The following OCA2 variants were observed in gnomAD, a reference collection of about 807,000 sequenced individuals.
OCA2 encodes the protein P protein.
Under a neutral mutation model 100.2 loss-of-function variants are expected in OCA2, and 77 were observed. That is an observed-to-expected ratio of 0.77 (90% CI 0.64 to 0.93). OCA2 has a LOEUF of 0.93. Among genes scored for constraint, OCA2 ranks in the 40% least tolerant of loss-of-function variants. OCA2 has a pLI of 0.00. For missense variants in OCA2, 1,062 were observed against 1,089.1 expected (o/e 0.98, Z 0.35); for synonymous variants, 432 against 439.2 (o/e 0.98, Z 0.21).
intron 23 of OCA2, among the ~76,000 whole-genome samples, chr15:27,781,052 T>C (rs1422836481): frequency 2.0e-5 from 3 of 152,194 alleles, no homozygotes; most frequent in Non-Finnish European, 4.4e-5. Context: ...ATCAAATGCA[T>C]CATTTTATCA....
intron 19 of OCA2, among the ~76,000 whole-genome samples, chr15:27,905,505 G>A (rs578158608): frequency 6.6e-6 from 1 of 152,328 alleles, no homozygotes; most frequent in East Asian, 1.9e-4. Context: ...ACGGGCCAGG[G>A]GGAACTGGGC....
intron 2 of OCA2, among the ~76,000 whole-genome samples, chr15:28,051,050 T>C (rs964101376): frequency 4.6e-5 from 7 of 152,104 alleles, no homozygotes; most frequent in South Asian, 2.1e-4. Context: ...CTCCCACCCA[T>C]ATGAGGGTGG....
chr15:27,873,051 T>C lies in OCA2; in HGVS notation c.2080-1129A>G, dbSNP rs181538294. ...TCTGCATGTACAGTTGTTAGCCGAC[T>C]TTCATTTAAAAGCTATGGAGCCCAA... On this transcript the variant is annotated intron_variant, in intron 19 of 23. Transcript: ENST00000354638. Among the ~76,000 whole-genome samples the C allele has an allele frequency of 3.0e-3, 452 of 152,356 alleles. 3 individuals are homozygous for C. Among genetic ancestry groups the C allele is most frequent in the Middle Eastern group, 0.027 (8 of 294 alleles).
At position 27,878,020 on chromosome 15, in the gene OCA2, T is replaced by A. The variant is rs1437256641; in HGVS notation, c.2080-6098A>T. Among the ~76,000 whole-genome samples the A allele has an allele frequency of 4.0e-5, 6 of 150,990 alleles. No homozygotes were observed. In the South Asian group the frequency reaches 6.2e-4, roughly 16 times the overall value. The stretch of plus-strand genomic sequence containing the variant: ...AAATATTAATATTTTAATTAATTTT[T>A]AATTATATTTTAGTACTTACTCCGT... On this transcript the variant is annotated intron_variant, in intron 19 of 23. Transcript: ENST00000354638.
At chr15:27,903,456 ACT>A (rs1567084603) in intron 19 of OCA2, among the ~76,000 whole-genome samples, 1 of 151,812 alleles carries the variant, frequency 6.6e-6, no homozygotes, top group African/African-American at 2.4e-5. Context: ...ACTCCCACCT[ACT>A]CTCTAGGAGG....
intron 9 of OCA2, among the ~76,000 whole-genome samples, chr15:27,996,204 C>G (rs933683546): frequency 6.6e-6 from 1 of 152,002 alleles, no homozygotes; most frequent in African/African-American, 2.4e-5. Context: ...ACACAACATA[C>G]CAAAATTTAT....
intron 18 of OCA2, among the ~76,000 whole-genome samples, chr15:27,943,206 C>T (rs767259487): frequency 3.9e-5 from 6 of 152,148 alleles, no homozygotes; most frequent in Non-Finnish European, 8.8e-5. Flanking sequence ...AAAACTAGTT[C>T]AGGGCATGAA....
chr15:27,972,993 G>A (rs1351767767), intron 14 of OCA2, among the ~76,000 whole-genome samples: 1 of 151,676 alleles, frequency 6.6e-6, no homozygotes, highest in Non-Finnish European at 1.5e-5. Flanking sequence ...AGCCTCCCGA[G>A]TAGCTGGGAT....
intron 23 of OCA2, among the ~76,000 whole-genome samples, chr15:27,761,288 T>C (rs1312293462): frequency 6.6e-6 from 1 of 152,086 alleles, no homozygotes; most frequent in African/African-American, 2.4e-5. Flanking sequence ...TTTTTTCCTA[T>C]AAACTACCAA....
intron 2 of OCA2, among the ~76,000 whole-genome samples, chr15:28,041,023 G>A (rs1226565315): frequency 6.6e-6 from 1 of 152,126 alleles, no homozygotes; most frequent in Non-Finnish European, 1.5e-5. Context: ...GCATTACCCT[G>A]ATACCAAAGC....
intron 23 of OCA2, among the ~76,000 whole-genome samples, chr15:27,805,409 C>T (rs903592388): frequency 1.3e-5 from 2 of 152,260 alleles, no homozygotes; most frequent in African/African-American, 2.4e-5. Flanking sequence ...GTTCCAGATG[C>T]TTCGCTGGGC....
At chr15:27,778,002 T>C (rs767258656) in intron 23 of OCA2, among the ~76,000 whole-genome samples, 1 of 152,204 alleles carries the variant, frequency 6.6e-6, no homozygotes, top group Non-Finnish European at 1.5e-5. Flanking sequence ...CATTCTACAA[T>C]ATTTTGAGGC....
At chr15:27,739,682 C>G in the OCA2 span, among the ~76,000 whole-genome samples, 8 of 151,990 alleles carry the variant, frequency 5.3e-5, no homozygotes, top group East Asian at 3.9e-4. Context: ...CTGACCTCAG[C>G]TGATCCACCC....
intron 23 of OCA2, among the ~76,000 whole-genome samples, chr15:27,839,595 C>T (rs1266523564): frequency 1.3e-5 from 2 of 152,112 alleles, no homozygotes; most frequent in Admixed American, 1.3e-4. Flanking sequence ...TAAAAGCCTC[C>T]GACTCACAGT....
Position 27,989,665 on chromosome 15 carries a change from C to T in OCA2, c.1118G>A (p.Arg373Lys). ...CTCCACCACATGGGTCAGGCTGGGTCTCTGCAATCAAAGCACAAATTTGCC... is the reference window on the plus strand; with the variant it reads ...CTCCACCACATGGGTCAGGCTGGGTTTCTGCAATCAAAGCACAAATTTGCC... ...ALAALAVIGD[R>K]PSLTHVVEWI... The change falls in exon 11 of 24, where the codon AGA becomes AAA. Residue 373 changes from arginine to lysine, a missense_variant and splice_region_variant. Arg to Lys is a conservative substitution (Grantham distance 26). Coordinates refer to ENST00000354638, the MANE Select transcript of OCA2 (RefSeq NM_000275.3). 6.2e-7 allele frequency: 1 copy of T among 1,614,084 alleles called. No homozygotes were observed.
chr15:27,740,014 C>T, the OCA2 span, among the ~76,000 whole-genome samples: 1 of 152,182 alleles, frequency 6.6e-6, no homozygotes, highest in African/African-American at 2.4e-5. Context: ...ACATGTTTGA[C>T]TATACACTGG....
At chr15:27,851,701 G>A (rs2151414106) in intron 21 of OCA2, among the ~76,000 whole-genome samples, 1 of 152,302 alleles carries the variant, frequency 6.6e-6, no homozygotes, top group South Asian at 2.1e-4. Flanking sequence ...TCCTGGTCCT[G>A]AGCCCTGCCA....
At chr15:27,841,225 T>C (rs2035331425) in intron 23 of OCA2, among the ~76,000 whole-genome samples, 1 of 152,228 alleles carries the variant, frequency 6.6e-6, no homozygotes, top group Non-Finnish European at 1.5e-5. Flanking sequence ...ACATGTTGTA[T>C]GATTCCATTT....
chr15:27,913,895 GCA>G (rs1484827184), intron 19 of OCA2, among the ~76,000 whole-genome samples: 15 of 39,024 alleles, frequency 3.8e-4, no homozygotes, highest in African/African-American at 1.4e-3. Flanking sequence ...AAGAAAGAAA[GCA>G]AGCAAGCAAG....
Sources: allele counts gnomAD v4.1 joint callset (sites outside exome capture counted in the v4.1 genomes callset), GRCh38; gene constraint gnomAD v4.1.1; transcripts MANE v1.5; gene names NCBI Gene and HGNC (gene_info 2026-07-23, HGNC 2026-07-21).